The following RBMS3 variants were observed in gnomAD, a reference collection of about 807,000 sequenced individuals.
The protein encoded by RBMS3 is RNA binding motif single stranded interacting protein 3.
Under a neutral mutation model 66.8 loss-of-function variants are expected in RBMS3, and 27 were observed. The ratio of observed to expected loss-of-function variants is 0.40; its 90% CI spans 0.30 to 0.56. RBMS3 has a LOEUF of 0.56. Ranked by LOEUF, RBMS3 falls within the 20% of genes least tolerant of loss-of-function variation. The probability of loss-of-function intolerance (pLI) is 0.40; values close to 1 mark genes in which losing one functional copy is unlikely to be tolerated. For missense variants in RBMS3, 513 were observed against 549.5 expected, an observed-to-expected ratio of 0.93 and a Z score of 0.66; for synonymous variants, 188 against 183.0, an observed-to-expected ratio of 1.03 and a Z score of -0.22.
intron 3 of RBMS3, among the ~76,000 whole-genome samples, chr3:29,525,417 A>G (rs923791431): frequency 1.3e-5 from 2 of 152,214 alleles, no homozygotes; most frequent in African/African-American, 4.8e-5. Flanking sequence ...CCTTTTGTCC[A>G]CACTCACTTC....
chr3:29,928,211 T>TATACACACACACAC (rs1291440563), intron 10 of RBMS3, among the ~76,000 whole-genome samples: 3 of 93,496 alleles, frequency 3.2e-5, no homozygotes, highest in Admixed American at 1.2e-4. Flanking sequence ...TATATATATA[T>TATACACACACACAC]ACACACACAC....
chr3:29,333,327 C>A (rs938200929), intron 1 of RBMS3, among the ~76,000 whole-genome samples: 3 of 152,050 alleles, frequency 2.0e-5, no homozygotes, highest in African/African-American at 7.2e-5. Context: ...ATCCAGTGCC[C>A]TCTCAAGGGT....
chr3:29,517,455 C>T (rs1364987579), intron 3 of RBMS3, among the ~76,000 whole-genome samples: 1 of 151,726 alleles, frequency 6.6e-6, no homozygotes, highest in African/African-American at 2.4e-5. Context: ...TCCTAGTATT[C>T]AGGACTACAG....
chr3:29,839,013 T>C (rs1259554199), intron 6 of RBMS3, among the ~76,000 whole-genome samples: 3 of 152,208 alleles, frequency 2.0e-5, no homozygotes, highest in Non-Finnish European at 4.4e-5. Context: ...TGAATCCTCC[T>C]CATTACGGGG....
At chr3:29,802,985 C>G (rs1276336879) in intron 6 of RBMS3, among the ~76,000 whole-genome samples, 1 of 152,092 alleles carries the variant, frequency 6.6e-6, no homozygotes, top group East Asian at 1.9e-4. Flanking sequence ...CAAGAAAGGA[C>G]GTTGACTTTC....
At chr3:29,426,311 C>G (rs2040957611) in intron 1 of RBMS3, among the ~76,000 whole-genome samples, 1 of 152,164 alleles carries the variant, frequency 6.6e-6, no homozygotes, top group Non-Finnish European at 1.5e-5. Flanking sequence ...TATAGCACCA[C>G]TTTTTGCTAG....
chr3:29,897,131 A>G (rs1344004421), intron 8 of RBMS3, among the ~76,000 whole-genome samples: 1 of 151,590 alleles, frequency 6.6e-6, no homozygotes, highest in Non-Finnish European at 1.5e-5. Flanking sequence ...GGCAGTATTA[A>G]ACTTATCTGG....
At chr3:29,935,954 T>C (rs1482750943) in intron 10 of RBMS3, 132 bp from the exon 11 acceptor site, 5 of 705,604 alleles carry the variant, frequency 7.1e-6, no homozygotes, top group African/African-American at 1.8e-5. Context: ...TTATATACAG[T>C]TGAATTTAGC....
chr3:29,771,442 C>A (rs1017808426), intron 6 of RBMS3, among the ~76,000 whole-genome samples: 1 of 151,906 alleles, frequency 6.6e-6, no homozygotes, highest in African/African-American at 2.4e-5. Flanking sequence ...AATAAATAAG[C>A]AAATACCTAG....
intron 1 of RBMS3, among the ~76,000 whole-genome samples, chr3:29,335,597 C>T (rs1469980886): frequency 6.6e-6 from 1 of 152,166 alleles, no homozygotes; most frequent in Non-Finnish European, 1.5e-5. Flanking sequence ...CAAAGCTCTT[C>T]TAAGCACTCT....
At chr3:29,561,797 G>A (rs542445277) in intron 3 of RBMS3, among the ~76,000 whole-genome samples, 2 of 152,212 alleles carry the variant, frequency 1.3e-5, no homozygotes, top group East Asian at 3.9e-4. Flanking sequence ...AGATGGTGTG[G>A]TTTTGGTTTC....
intron 5 of RBMS3, among the ~76,000 whole-genome samples, chr3:29,749,905 C>A: frequency 6.6e-6 from 1 of 152,160 alleles, no homozygotes. Flanking sequence ...AACTATATTG[C>A]CATAAAACAA....
At chr3:29,495,083 T>C (rs1172870713) in intron 3 of RBMS3, among the ~76,000 whole-genome samples, 2 of 147,722 alleles carry the variant, frequency 1.4e-5, no homozygotes, top group Non-Finnish European at 3.1e-5. Context: ...AAATCATCCA[T>C]GAAGGATATT....
intron 7 of RBMS3, among the ~76,000 whole-genome samples, chr3:29,878,184 C>T (rs183123755): frequency 6.6e-5 from 10 of 152,118 alleles, no homozygotes; most frequent in Admixed American, 2.0e-4. Context: ...TGACAGGAAG[C>T]GGATCTCAGG....
intron 5 of RBMS3, among the ~76,000 whole-genome samples, chr3:29,753,243 C>A (rs576077976): frequency 1.3e-5 from 2 of 152,194 alleles, no homozygotes; most frequent in Admixed American, 6.5e-5. Flanking sequence ...AGGCAGTGCA[C>A]CTAGATATTT....
chr3:29,982,843 AGAGT>A (rs1251848159), intron 12 of RBMS3, among the ~76,000 whole-genome samples: 1 of 152,120 alleles, frequency 6.6e-6, no homozygotes, highest in Non-Finnish European at 1.5e-5. Context: ...GGTCAATTTT[AGAGT>A]AAGTGAGATG....
intron 4 of RBMS3, among the ~76,000 whole-genome samples, chr3:29,620,648 A>G (rs932342698): frequency 1.3e-5 from 2 of 151,946 alleles, no homozygotes; most frequent in African/African-American, 4.8e-5. Context: ...CTAAAATTTT[A>G]TTTTGCACCA....
At chr3:29,361,455 A>T (rs553646541) in intron 1 of RBMS3, among the ~76,000 whole-genome samples, 101 of 152,186 alleles carry the variant, frequency 6.6e-4, no homozygotes, top group African/African-American at 2.2e-3. Context: ...GGGTAACCCA[A>T]CCTTTCTCTC....
rs928869005 is a variant in RBMS3, at chr3:29,544,703, G to A, written c.308-42411G>A. Among the ~76,000 whole-genome samples the A allele has an allele frequency of 7.2e-5, 11 of 151,852 alleles. 1 individual carries two copies. Among genetic ancestry groups the A allele is most frequent in the African/African-American group, 2.4e-4 (10 of 41,304 alleles). On this transcript the variant is annotated intron_variant, in intron 3 of 14. Coordinates refer to ENST00000383767, the MANE Select transcript of RBMS3 (RefSeq NM_001003793.3). ...AAAGAAGGGAGTGAAATGTAAATGT[G>A]TGTGTGTGTGTGTATAGTTGATGAT...
Sources: gnomAD v4.1 joint callset for allele counts (sites outside exome capture counted in the v4.1 genomes callset) on GRCh38, gnomAD v4.1.1 for gene constraint, MANE v1.5 for transcripts, NCBI Gene and HGNC (gene_info 2026-07-23, HGNC 2026-07-21) for gene names.